Variants in XBP1 observed in about 807,000 individuals in gnomAD.
XBP1 encodes the protein X-box-binding protein 1.
Under a neutral mutation model 34.6 loss-of-function variants are expected in XBP1, and 18 were observed. That is an observed-to-expected ratio of 0.52 (90% CI 0.36 to 0.77). XBP1 has a LOEUF of 0.77. Ranked by LOEUF, XBP1 falls within the 30% of genes least tolerant of loss-of-function variation. The pLI is 0.00. For synonymous variants in XBP1, 191 were observed against 193.4 expected, an observed-to-expected ratio of 0.99 and a Z score of 0.11; for missense variants, 422 against 464.6, an observed-to-expected ratio of 0.91 and a Z score of 0.84.
At chr22:28,795,273 G>A (rs1380922772) in exon 6 of XBP1, 1 of 1,551,838 alleles carries the variant, frequency 6.4e-7, no homozygotes, top group East Asian at 2.4e-5. Flanking sequence ...AATGGGGAAA[G>A]GGAACCCCCG....
chr22:28,795,282 C>G lies in XBP1; in HGVS notation c.1024G>C (p.Gly342Arg), dbSNP rs886591651. The change falls in exon 6 of 6, where the codon GGG (glycine) becomes CGG (arginine). Residue 342 changes from glycine to arginine, a missense_variant. This residue lies in a region of XBP1 where 292 missense variants were observed against 339.9 expected (regional missense o/e 0.86). Transcript: ENST00000344347. ...TCACTGAATGGGGAAAGGGAACCCCCGTATCCACAGTCACTGTAAGCATCC... is the reference window on the plus strand; with the variant it reads ...TCACTGAATGGGGAAAGGGAACCCCGGTATCCACAGTCACTGTAAGCATCC... 8 of 1,551,756 alleles carry G rather than the reference C, an allele frequency of 5.2e-6. No individual in the cohort carries two copies. In the East Asian group the frequency reaches 1.2e-4, roughly 24 times the overall value.
intron 1 of XBP1, chr22:28,799,947 C>T (rs1485774589): frequency 3.9e-6 from 3 of 778,886 alleles, no homozygotes; most frequent in Non-Finnish European, 7.2e-6. Context: ...TAAACCAAAA[C>T]AGATTATTCG....
In XBP1 at chr22:28,795,652, C is replaced by G. The variant is rs566742378; in HGVS notation, c.654G>C (p.Leu218=). 2.5e-6 allele frequency: 4 copies of G among 1,602,176 alleles called. No homozygotes were observed. The Admixed American group carries it at 7.0e-5, about 28-fold the overall frequency. The change falls in exon 6 of 6, where the codon CTG becomes CTC. Residue 218 remains leucine (L), a synonymous_variant. Coordinates refer to ENST00000344347, the Ensembl canonical transcript of XBP1. ...CTGGGTAGACCTCTGGGAGCTCCTC[C>G]AGGCTGGCAGGCTCTGGGGAAGGGC... is the stretch of plus-strand genomic sequence containing the variant.
intron 1 of XBP1, 90 bp downstream of exon 1, chr22:28,800,208 A>G: frequency 7.1e-7 from 1 of 1,412,018 alleles, no homozygotes; most frequent in East Asian, 2.5e-5. Context: ...CGGGGCGGCC[A>G]GTGCTGGGTC....
downstream of XBP1, chr22:28,794,584 G>C (rs1259907523): frequency 6.6e-6 from 1 of 152,252 alleles, no homozygotes; most frequent in Non-Finnish European, 1.5e-5. Context: ...TAATTGCATG[G>C]GTAGTTTTAA....
rs570238443 is a variant in XBP1 at position 28,797,024 on chromosome 22, T to C, written c.453+53A>G. On this transcript the variant is annotated intron_variant, in intron 3 of 5. Transcript: ENST00000344347. ...GACTGTAAACATAATCGCTGGGTCA[T>C]GTCACTTGGAACCAGTACTCACATG... 352 of 1,555,270 alleles carry C rather than the reference T, an allele frequency of 2.3e-4. 2 individuals carry two copies. The highest frequency in any genetic ancestry group is 3.4e-4 in the Middle Eastern group (2 of 5,808).
exon 2 of XBP1, chr22:28,799,104 C>G: frequency 1.2e-6 from 2 of 1,614,132 alleles, no homozygotes; most frequent in Non-Finnish European, 1.7e-6. Flanking sequence ...CTCATTCGAG[C>G]CTTCTTTCGA....
chr22:28,799,218 A>T, intron 1 of XBP1, 65 bp from the exon 2 acceptor site: 3 of 1,290,778 alleles, frequency 2.3e-6, no homozygotes, highest in Non-Finnish European at 3.3e-6. Context: ...TTATTTGAAA[A>T]CTTTACCAGC....
At chr22:28,795,766 G>C (rs2031738770) in intron 5 of XBP1, 34 bp from the exon 6 acceptor site, 2 of 1,509,624 alleles carry the variant, frequency 1.3e-6, no homozygotes, top group African/African-American at 1.4e-5. Context: ...AAGTACAACT[G>C]TCAGAATACA....
downstream of XBP1, chr22:28,795,086 G>C: frequency 7.7e-7 from 1 of 1,307,100 alleles, no homozygotes; most frequent in Non-Finnish European, 1.0e-6. Flanking sequence ...CTCTATTTTG[G>C]CTTTTTGAAT....
chr22:28,799,207 T>A, intron 1 of XBP1, 54 bp from the exon 2 acceptor site: 1 of 1,428,890 alleles, frequency 7.0e-7, no homozygotes, highest in Non-Finnish European at 9.7e-7. Flanking sequence ...TATTTATGTC[T>A]TTATTTGAAA....
At chr22:28,798,807 GAC>G (rs201612534) in intron 2 of XBP1, 16,516 of 203,864 alleles carry the variant, frequency 0.081, 1,149 homozygotes, top group South Asian at 0.21. Flanking sequence ...TTTGGGTAGA[GAC>G]GGGATTTTAC....
chr22:28,797,176 A>G, exon 3 of XBP1: 3 of 1,613,254 alleles, frequency 1.9e-6, no homozygotes, highest in Non-Finnish European at 2.5e-6. Context: ...TCTCTCGTAA[A>G]AGCTGATTTT....
chr22:28,800,072 A>G (rs774040608), intron 1 of XBP1: 1 of 763,336 alleles, frequency 1.3e-6, no homozygotes. Flanking sequence ...GAGAGTTAAA[A>G]AGTACAGAAA....
rs746697315 is a variant in XBP1, at chr22:28,799,975, A to T, written c.227+323T>A. 4 of 779,474 alleles carry T rather than the reference A, an allele frequency of 5.1e-6. 1 individual carries two copies. In the South Asian group the frequency reaches 5.4e-5, roughly 10 times the overall value. 48.3% of individuals were successfully genotyped at this position (779,474 alleles called of 1,614,324 possible). ...ATTATTCGACCTCATGTCCGAGTTA[A>T]GAGGCTGAACCACCAGTCTGCGGCC... On this transcript the variant is annotated intron_variant, in intron 1 of 5. Transcript: ENST00000344347.
In XBP1 at chr22:28,795,560, G is replaced by C; in HGVS notation, c.746C>G (p.Ala249Gly). The C allele has an allele frequency of 1.9e-6, 3 of 1,614,150 alleles. No individual in the cohort carries two copies. The South Asian group carries it at 3.3e-5, about 18-fold the overall frequency. Reference sequence around the variant, plus strand: ...GTCAAAACGAATTAGTTCATTAATGGCTTCCAGCTTGGCTGATGACGTCCC... The same window carrying C: ...GTCAAAACGAATTAGTTCATTAATGCCTTCCAGCTTGGCTGATGACGTCCC... The change falls in exon 6 of 6, where the codon GCC becomes GGC. Residue 249 changes from alanine to glycine, a missense_variant. Coordinates refer to ENST00000344347, the Ensembl canonical transcript of XBP1.
intron 5 of XBP1, 42 bp downstream of exon 5, chr22:28,796,005 A>G (rs1346503606): frequency 6.2e-7 from 1 of 1,611,558 alleles, no homozygotes; most frequent in Non-Finnish European, 8.5e-7. Flanking sequence ...AGATGGAATT[A>G]ACTGGTTATA....
chr22:28,795,199 G>A (rs1601436153), exon 6 of XBP1: 1 of 1,521,536 alleles, frequency 6.6e-7, no homozygotes, highest in Non-Finnish European at 8.8e-7. Context: ...GCTGGGGAAA[G>A]AGTTCATTGG....
At chr22:28,800,244 CCT>C in intron 1 of XBP1, 52 bp downstream of exon 1, 3 of 1,535,118 alleles carry the variant, frequency 2.0e-6, no homozygotes, top group African/African-American at 1.4e-5. Context: ...TGCCCCTGCC[CCT>C]GTCCCTAGTC....
Sources: gnomAD v4.1 joint callset for allele counts on GRCh38, gnomAD v4.1.1 for gene constraint, gnomAD v4.1.1 regional missense constraint, MANE v1.5 for transcripts, NCBI Gene and HGNC (gene_info 2026-07-23, HGNC 2026-07-21) for gene names.